Variants in DOK6 observed in about 807,000 individuals in gnomAD.
DOK6 encodes the protein downstream of tyrosine kinase 6.
Under a neutral mutation model 44.0 loss-of-function variants are expected in DOK6, and 22 were observed. The observed-to-expected ratio is 0.50, with a 90% CI of 0.36 to 0.71. The LOEUF (loss-of-function observed/expected upper bound fraction) is 0.71, where lower values mean the gene tolerates loss of function less well. Ranked by LOEUF, DOK6 falls within the 30% of genes least tolerant of loss-of-function variation. The pLI is 0.00. For synonymous variants in DOK6, 166 were observed against 145.5 expected (o/e 1.14, Z -1.01); for missense variants, 340 against 416.4 (o/e 0.82, Z 1.60).
chr18:69,643,414 A>G (rs147691038), intron 3 of DOK6, among the ~76,000 whole-genome samples: 23 of 152,274 alleles, frequency 1.5e-4, no homozygotes, highest in African/African-American at 4.1e-4. Flanking sequence ...TTTTAGAACC[A>G]CATTCACCTT....
chr18:69,669,549 T>A (rs1985743985), intron 3 of DOK6, among the ~76,000 whole-genome samples: 1 of 152,226 alleles, frequency 6.6e-6, no homozygotes, highest in Admixed American at 6.5e-5. Context: ...ATATGACACC[T>A]GTCCTTTATA....
intron 3 of DOK6, among the ~76,000 whole-genome samples, chr18:69,612,217 T>A (rs1200697332): frequency 3.3e-5 from 5 of 149,900 alleles, no homozygotes; most frequent in Admixed American, 6.6e-5. Flanking sequence ...ATATTTAAGT[T>A]AAAAAAAACC....
At chr18:69,552,831 G>A (rs1982597982) in intron 1 of DOK6, among the ~76,000 whole-genome samples, 1 of 152,244 alleles carries the variant, frequency 6.6e-6, no homozygotes, top group South Asian at 2.1e-4. Context: ...CCGAATGAAT[G>A]AATTATGAAA....
chr18:69,518,936 AG>A (rs1462489621), intron 1 of DOK6, among the ~76,000 whole-genome samples: 2 of 152,040 alleles, frequency 1.3e-5, no homozygotes, highest in African/African-American at 4.8e-5. Flanking sequence ...AGGTACATAA[AG>A]TTATTTTCTA....
intron 7 of DOK6, among the ~76,000 whole-genome samples, chr18:69,772,575 CT>C (rs1979920353): frequency 6.6e-6 from 1 of 152,066 alleles, no homozygotes; most frequent in African/African-American, 2.4e-5. Context: ...ATAAAGCCAA[CT>C]GATCTTCAGC....
At chr18:69,589,520 G>T (rs183486047) in intron 2 of DOK6, among the ~76,000 whole-genome samples, 2 of 152,154 alleles carry the variant, frequency 1.3e-5, no homozygotes, top group African/African-American at 4.8e-5. Flanking sequence ...TTTAAAGAAA[G>T]AATATTAGTG....
At chr18:69,744,925 T>TCAA (rs759968762) in intron 6 of DOK6, among the ~76,000 whole-genome samples, 1 of 89,808 alleles carries the variant, frequency 1.1e-5, no homozygotes, top group Non-Finnish European at 2.0e-5. Context: ...ACACTCCATC[T>TCAA]AAAAAAAAAA....
intron 1 of DOK6, among the ~76,000 whole-genome samples, chr18:69,563,813 G>T (rs1222857311): frequency 6.6e-6 from 1 of 151,296 alleles, no homozygotes; most frequent in Admixed American, 6.6e-5. Flanking sequence ...AAAAAAAAAA[G>T]ATTCAGGTGT....
At chr18:69,608,204 G>A (rs2144628387) in intron 3 of DOK6, among the ~76,000 whole-genome samples, 1 of 152,232 alleles carries the variant, frequency 6.6e-6, no homozygotes, top group East Asian at 1.9e-4. Context: ...TAAGATAAGG[G>A]TCCAATTTCA....
intron 1 of DOK6, among the ~76,000 whole-genome samples, chr18:69,517,049 A>G (rs1387969312): frequency 6.6e-6 from 1 of 152,116 alleles, no homozygotes; most frequent in African/African-American, 2.4e-5. Context: ...ATTATTTTAA[A>G]CAACAAAAGT....
chr18:69,588,579 TA>T, intron 2 of DOK6, among the ~76,000 whole-genome samples: 1 of 152,218 alleles, frequency 6.6e-6, no homozygotes, highest in East Asian at 1.9e-4. Flanking sequence ...TTTTCTAAAC[TA>T]ATCACAGGCA....
intron 1 of DOK6, among the ~76,000 whole-genome samples, chr18:69,463,352 A>T (rs1473493886): frequency 6.6e-6 from 1 of 150,496 alleles, no homozygotes; most frequent in Non-Finnish European, 1.5e-5. Flanking sequence ...CTACCATAGC[A>T]GTTTCTCCCT....
intron 1 of DOK6, 59 bp downstream of exon 1, chr18:69,401,369 TGGG>T: frequency 8.0e-7 from 1 of 1,251,632 alleles, no homozygotes; most frequent in Non-Finnish European, 1.1e-6. Context: ...GCTGGCTGCC[TGGG>T]GGGGGGGCAG....
chr18:69,753,836 C>G (rs747384442), intron 6 of DOK6, among the ~76,000 whole-genome samples: 1 of 146,146 alleles, frequency 6.8e-6, no homozygotes, highest in Non-Finnish European at 1.5e-5. Context: ...TTTTTTTTTA[C>G]TAAGTCCACT....
intron 7 of DOK6, among the ~76,000 whole-genome samples, chr18:69,830,661 G>T (rs1981876219): frequency 6.6e-6 from 1 of 152,154 alleles, no homozygotes; most frequent in Non-Finnish European, 1.5e-5. Flanking sequence ...AGCTTTACCT[G>T]TTTGAATTGT....
chr18:69,702,653 T>C (rs1480275131), intron 5 of DOK6, among the ~76,000 whole-genome samples: 2 of 152,208 alleles, frequency 1.3e-5, no homozygotes, highest in African/African-American at 4.8e-5. Flanking sequence ...ATGGCTTCAT[T>C]GTTTGAATAA....
At chr18:69,449,536 A>C (rs945175047) in intron 1 of DOK6, among the ~76,000 whole-genome samples, 2 of 152,256 alleles carry the variant, frequency 1.3e-5, no homozygotes, top group African/African-American at 4.8e-5. Context: ...ATAATATATA[A>C]CCATGTATGA....
intron 1 of DOK6, among the ~76,000 whole-genome samples, chr18:69,452,228 G>T (rs1358835195): frequency 1.3e-5 from 2 of 148,490 alleles, no homozygotes; most frequent in Admixed American, 6.7e-5. Context: ...TGATAAAGGG[G>T]ATATCACCAC....
intron 5 of DOK6, among the ~76,000 whole-genome samples, chr18:69,716,852 A>G (rs1243929334): frequency 6.6e-6 from 1 of 152,126 alleles, no homozygotes; most frequent in Non-Finnish European, 1.5e-5. Context: ...TACCCAAGTG[A>G]TCAAAGCCAT....
Sources: allele counts gnomAD v4.1 joint callset (sites outside exome capture counted in the v4.1 genomes callset), GRCh38; gene constraint gnomAD v4.1.1; transcripts MANE v1.5; gene names NCBI Gene and HGNC (gene_info 2026-07-23, HGNC 2026-07-21).